The following EPB41 variants were observed in gnomAD, a reference collection of about 807,000 sequenced individuals.
The protein encoded by EPB41 is erythrocyte membrane protein band 4.1.
Under a neutral mutation model 108.0 loss-of-function variants are expected in EPB41, and 65 were observed. The ratio of observed to expected loss-of-function variants is 0.60; its 90% CI spans 0.49 to 0.74. EPB41 has a LOEUF of 0.74. Among genes scored for constraint, EPB41 ranks in the 30% least tolerant of loss-of-function variants. The pLI, the probability that EPB41 is intolerant of heterozygous loss-of-function variation, is 0.00. For missense variants in EPB41, 875 were observed against 1,037.0 expected, an observed-to-expected ratio of 0.84 and a Z score of 2.15; for synonymous variants, 336 against 358.9, an observed-to-expected ratio of 0.94 and a Z score of 0.72.
At chr1:29,112,487 C>A in intron 19 of EPB41, 39 bp downstream of exon 19, 1 of 1,566,356 alleles carries the variant, frequency 6.4e-7, no homozygotes, top group Admixed American at 1.7e-5. Context: ...GGAGGGGTCC[C>A]TGGGCAGGAA....
intron 1 of EPB41, among the ~76,000 whole-genome samples, chr1:28,888,099 G>C (rs972126065): frequency 1.3e-4 from 20 of 152,346 alleles, no homozygotes; most frequent in African/African-American, 4.3e-4. Context: ...CTCCAGGAGT[G>C]GGGAGGAGAG....
At chr1:29,097,561 A>C in intron 16 of EPB41, 3 of 532,166 alleles carry the variant, frequency 5.6e-6, no homozygotes, top group Non-Finnish European at 1.0e-5. Context: ...GTCTGCTCTT[A>C]CAGCTTTCCA....
intron 1 of EPB41, among the ~76,000 whole-genome samples, chr1:28,890,097 G>A (rs1440328948): frequency 6.6e-6 from 1 of 151,872 alleles, no homozygotes; most frequent in Non-Finnish European, 1.5e-5. Flanking sequence ...GAGTGCAGTG[G>A]CATGATCTCA....
chr1:29,116,428 A>G (rs1670975526), intron 20 of EPB41, among the ~76,000 whole-genome samples: 1 of 152,084 alleles, frequency 6.6e-6, no homozygotes, highest in Admixed American at 6.5e-5. Flanking sequence ...GGCTGGGATT[A>G]CAGGCATGAG....
intron 1 of EPB41, among the ~76,000 whole-genome samples, chr1:28,892,888 C>A (rs536233789): frequency 4.1e-5 from 6 of 145,002 alleles, no homozygotes; most frequent in South Asian, 4.4e-4. Flanking sequence ...ACTGCAACCT[C>A]TGCCTCCCAG....
intron 16 of EPB41, among the ~76,000 whole-genome samples, chr1:29,084,336 A>G (rs1657935170): frequency 6.6e-6 from 1 of 152,266 alleles, no homozygotes; most frequent in Admixed American, 6.5e-5. Context: ...CATTTCAGCA[A>G]GCCACAAAGT....
intron 19 of EPB41, among the ~76,000 whole-genome samples, chr1:29,113,101 A>G (rs1456014338): frequency 6.6e-6 from 1 of 152,106 alleles, no homozygotes; most frequent in African/African-American, 2.4e-5. Flanking sequence ...TGATCTAGAT[A>G]ATTTCTGGGC....
At chr1:29,019,716 C>T (rs749774390) in intron 7 of EPB41, among the ~76,000 whole-genome samples, 1 of 152,130 alleles carries the variant, frequency 6.6e-6, no homozygotes, top group Admixed American at 6.6e-5. Flanking sequence ...ATCTTGTTCT[C>T]CTTGGGGTAG....
At chr1:29,066,809 G>A (rs1195735943) in intron 16 of EPB41, among the ~76,000 whole-genome samples, 6 of 151,802 alleles carry the variant, frequency 4.0e-5, no homozygotes, top group African/African-American at 1.5e-4. Context: ...TAGTAGCTGA[G>A]ATTACAGGCG....
chr1:29,080,714 C>T (rs915426382), intron 16 of EPB41, among the ~76,000 whole-genome samples: 1 of 152,126 alleles, frequency 6.6e-6, no homozygotes. Context: ...CTAATAAATC[C>T]CTATGCACAT....
chr1:28,892,093 C>CAAAA lies in EPB41; in HGVS notation c.-8+4902_-8+4905dup, dbSNP rs748788169. ...GGGCAATAAGAACAAGACTGCATCTCAAAAAAAAAAAAAAAAAAAAAAGAA... is the reference window on the plus strand; with the variant it reads ...GGGCAATAAGAACAAGACTGCATCTCAAAAAAAAAAAAAAAAAAAAAAAAAAGAA... On this transcript the variant is annotated intron_variant, in intron 1 of 16. Coordinates refer to the EPB41 transcript ENST00000347529. 8.9e-3 allele frequency among the ~76,000 whole-genome samples: 621 copies of CAAAA among 69,418 alleles called. 14 individuals are homozygous for CAAAA. The highest frequency in any genetic ancestry group is 0.02 in the African/African-American group (324 of 16,510). 45.5% of individuals were successfully genotyped at this position (69,418 alleles called of 152,430 possible). A position where few individuals can be genotyped will look rare whatever the true frequency, so the allele number is the denominator to read the frequency against.
At chr1:28,988,525 A>G (rs2095925268) in intron 2 of EPB41, among the ~76,000 whole-genome samples, 1 of 151,696 alleles carries the variant, frequency 6.6e-6, no homozygotes, top group Non-Finnish European at 1.5e-5. Context: ...ATGCCCAGCT[A>G]ATTTTTGTAT....
chr1:28,901,057 G>C (rs2091242299), intron 1 of EPB41, among the ~76,000 whole-genome samples: 1 of 151,940 alleles, frequency 6.6e-6, no homozygotes, highest in South Asian at 2.1e-4. Flanking sequence ...AGCCTCCTGA[G>C]TAGCTGGGAT....
intron 1 of EPB41, among the ~76,000 whole-genome samples, chr1:28,955,426 C>CT (rs905741024): frequency 3.9e-5 from 6 of 152,014 alleles, no homozygotes; most frequent in African/African-American, 1.2e-4. Context: ...GCTGCAACCT[C>CT]TGTCTCCCGG....
intron 5 of EPB41, among the ~76,000 whole-genome samples, chr1:29,013,667 C>T (rs940159013): frequency 1.3e-5 from 2 of 151,882 alleles, no homozygotes; most frequent in Admixed American, 6.6e-5. Flanking sequence ...GCTGGGATTA[C>T]AGGCATGTGC....
chr1:29,090,561 A>C (rs1660819449), intron 16 of EPB41, among the ~76,000 whole-genome samples: 1 of 151,512 alleles, frequency 6.6e-6, no homozygotes, highest in African/African-American at 2.4e-5. Flanking sequence ...GACCAGCCTG[A>C]CCAACATGGA....
chr1:28,999,335 G>T (rs550074464), intron 4 of EPB41, among the ~76,000 whole-genome samples: 2 of 151,990 alleles, frequency 1.3e-5, no homozygotes, highest in African/African-American at 4.8e-5. Flanking sequence ...GTGCTACTGC[G>T]CTCCAGCCTG....
rs1363666424 is a variant in EPB41, at chr1:28,935,748, G to A, written c.-8+20980G>A. ...ATCCTGGCCAACATGGAGAAACCCC[G>A]TCTCTACTAAAAATACAAAAATTAG... is the stretch of plus-strand genomic sequence containing the variant. On this transcript the variant is annotated intron_variant, in intron 1 of 20. Transcript: ENST00000343067. Among the ~76,000 whole-genome samples the A allele has an allele frequency of 4.6e-5, 7 of 151,352 alleles. No individual in the cohort carries two copies. In the South Asian group the frequency reaches 1.3e-3, roughly 27 times the overall value.
chr1:28,979,056 C>T (rs561114928), intron 1 of EPB41, among the ~76,000 whole-genome samples: 1 of 151,398 alleles, frequency 6.6e-6, no homozygotes, highest in South Asian at 2.1e-4. Context: ...TCTGGAGAAC[C>T]CTGACTAATA....
Sources: allele counts gnomAD v4.1 joint callset (sites outside exome capture counted in the v4.1 genomes callset), GRCh38; gene constraint gnomAD v4.1.1; transcripts MANE v1.5; gene names NCBI Gene and HGNC (gene_info 2026-07-23, HGNC 2026-07-21).